PCDHA11: variants seen among roughly 807,000 people sequenced by gnomAD.
The protein encoded by PCDHA11 is protocadherin alpha 11.
PCDHA11 carries 61 observed loss-of-function variants against 70.3 expected under a neutral mutation model. The observed-to-expected ratio is 0.87, with a 90% CI of 0.71 to 1.07. The LOEUF (loss-of-function observed/expected upper bound fraction) is 1.07, where lower values mean the gene tolerates loss of function less well. PCDHA11 is among the 50% of genes least tolerant of loss of function. PCDHA11 has a pLI of 0.00. For missense variants in PCDHA11, 1,324 were observed against 1,237.5 expected (o/e 1.07, Z -1.05); for synonymous variants, 633 against 555.1 (o/e 1.14, Z -1.97).
At chr5:140,921,080 A>G (rs1329038497) in intron 1 of PCDHA11, among the ~76,000 whole-genome samples, 1 of 152,008 alleles carries the variant, frequency 6.6e-6, no homozygotes. Context: ...CTTGGGCTCA[A>G]GAGAATCCTC....
At chr5:140,911,365 TG>T (rs1554194694) in intron 1 of PCDHA11, among the ~76,000 whole-genome samples, 1 of 152,218 alleles carries the variant, frequency 6.6e-6, no homozygotes, top group East Asian at 1.9e-4. Flanking sequence ...AGTAGACACC[TG>T]GCAAGGCTGT....
rs113635864 is a variant in PCDHA11 at position 140,947,396 on chromosome 5, A to T, written c.2392-31553A>T. On this transcript the variant is annotated intron_variant, in intron 1 of 3. Coordinates refer to ENST00000398640, the MANE Select transcript of PCDHA11 (RefSeq NM_018902.5). ...ATATGTTTATCCTTTCACTAAAAGT[A>T]GACTGTCTTGATATTGTAGCTTTAT... Among the ~76,000 whole-genome samples the T allele has an allele frequency of 7.1e-3, 1,081 of 151,828 alleles. 11 individuals are homozygous for T. The highest frequency in any genetic ancestry group is 0.025 in the African/African-American group (1,045 of 41,538).
intron 3 of PCDHA11, among the ~76,000 whole-genome samples, chr5:140,991,200 A>C (rs2097437692): frequency 6.6e-6 from 1 of 152,234 alleles, no homozygotes; most frequent in Admixed American, 6.5e-5. Context: ...AATGATGCTC[A>C]ATAAATTTTG....
intron 1 of PCDHA11, among the ~76,000 whole-genome samples, chr5:140,950,613 A>G (rs980395914): frequency 3.3e-5 from 5 of 152,064 alleles, no homozygotes; most frequent in African/African-American, 1.2e-4. Context: ...TGATGTGCTT[A>G]TTTATGCTTT....
chr5:140,974,328 C>G (rs2096623040), intron 1 of PCDHA11, among the ~76,000 whole-genome samples: 1 of 152,198 alleles, frequency 6.6e-6, no homozygotes, highest in Admixed American at 6.5e-5. Flanking sequence ...AGCTGCTGTG[C>G]TAGCAGGCTA....
intron 1 of PCDHA11, among the ~76,000 whole-genome samples, chr5:140,888,838 A>G (rs2061999996): frequency 6.6e-6 from 1 of 152,078 alleles, no homozygotes; most frequent in East Asian, 1.9e-4. Flanking sequence ...ACTCCACTGC[A>G]GCCTGGTGAC....
intron 1 of PCDHA11, among the ~76,000 whole-genome samples, chr5:140,924,369 G>A (rs2081798645): frequency 6.6e-6 from 1 of 152,144 alleles, no homozygotes; most frequent in Admixed American, 6.5e-5. Context: ...AGGCAAACTA[G>A]CCAAGGGGTA....
chr5:140,993,460 TCTCACACACACA>T (rs2097560533), intron 3 of PCDHA11, among the ~76,000 whole-genome samples: 2 of 104,506 alleles, frequency 1.9e-5, no homozygotes, highest in South Asian at 3.7e-4. Context: ...CTTCTTTCTT[TCTCACACACACA>T]CACACACACA....
intron 1 of PCDHA11, chr5:140,927,763 G>C (rs1554205034): frequency 6.2e-7 from 1 of 1,614,198 alleles, no homozygotes; most frequent in African/African-American, 1.3e-5. Context: ...CCCTAAAAGT[G>C]GGGAGGTGCA....
Position 140,870,061 on chromosome 5 carries a change from C to G in PCDHA11, c.958C>G (p.Gln320Glu). 1 of 1,613,758 alleles carries G rather than the reference C, an allele frequency of 6.2e-7. No homozygotes were observed. The highest frequency in any genetic ancestry group is 8.5e-7 in the Non-Finnish European group (1 of 1,179,862). Residue 320 changes from glutamine to glutamate, a missense_variant, in exon 1 of 4, where the codon CAG (glutamine) becomes GAG (glutamate). Gln to Glu is a conservative substitution (Grantham distance 29, BLOSUM62 2). Coordinates refer to ENST00000398640, the MANE Select transcript of PCDHA11 (RefSeq NM_018902.5). ...AAACAAGTTTTATAAAATTGAAGTA[C>G]AGGCTACAGATAAGGGGACTCCCCC... ...EENKFYKIEV[Q>E]ATDKGTPPMA...
chr5:140,950,086 T>G (rs1178086288), intron 1 of PCDHA11, among the ~76,000 whole-genome samples: 1 of 151,946 alleles, frequency 6.6e-6, no homozygotes, highest in Non-Finnish European at 1.5e-5. Flanking sequence ...TATGCTATAG[T>G]TTTCATTTGT....
intron 1 of PCDHA11, among the ~76,000 whole-genome samples, chr5:140,974,883 C>T (rs1188748856): frequency 1.3e-5 from 2 of 152,154 alleles, no homozygotes; most frequent in Non-Finnish European, 2.9e-5. Context: ...CTATGTATCC[C>T]TTTTCTGATG....
intron 1 of PCDHA11, among the ~76,000 whole-genome samples, chr5:140,949,671 G>A (rs1316716969): frequency 6.6e-6 from 1 of 151,584 alleles, no homozygotes. Context: ...TTTAAAGTAT[G>A]CCCTTGTTGA....
chr5:140,890,879 A>C (rs1448155644), intron 1 of PCDHA11, among the ~76,000 whole-genome samples: 2 of 152,112 alleles, frequency 1.3e-5, no homozygotes, highest in Non-Finnish European at 2.9e-5. Flanking sequence ...CTGACCTTTC[A>C]TCAGGGATTA....
At chr5:140,962,220 T>A (rs1174731292) in intron 1 of PCDHA11, among the ~76,000 whole-genome samples, 2 of 152,186 alleles carry the variant, frequency 1.3e-5, no homozygotes, top group African/African-American at 4.8e-5. Flanking sequence ...GATCTTGAGG[T>A]TCAAGTTTCA....
intron 1 of PCDHA11, among the ~76,000 whole-genome samples, chr5:140,934,109 A>G (rs2089636629): frequency 6.6e-6 from 1 of 151,948 alleles, no homozygotes; most frequent in Non-Finnish European, 1.5e-5. Flanking sequence ...CTATTTTATT[A>G]ATTTTCATAC....
chr5:140,894,827 T>G (rs2064691411), intron 1 of PCDHA11, among the ~76,000 whole-genome samples: 1 of 152,192 alleles, frequency 6.6e-6, no homozygotes, highest in South Asian at 2.1e-4. Flanking sequence ...TTGCCCATAA[T>G]CCTTTTCTTA....
At chr5:140,920,023 C>T (rs1554199365) in intron 1 of PCDHA11, among the ~76,000 whole-genome samples, 1 of 152,096 alleles carries the variant, frequency 6.6e-6, no homozygotes, top group Non-Finnish European at 1.5e-5. Flanking sequence ...AAGATGGAGA[C>T]AGAGATTGGA....
intron 1 of PCDHA11, among the ~76,000 whole-genome samples, chr5:140,912,772 A>T (rs897864498): frequency 1.3e-5 from 2 of 152,190 alleles, no homozygotes; most frequent in South Asian, 4.1e-4. Flanking sequence ...ACTTTGAGGT[A>T]TGTCCCTTCT....
Sources: allele counts gnomAD v4.1 joint callset (sites outside exome capture counted in the v4.1 genomes callset), GRCh38; gene constraint gnomAD v4.1.1; transcripts MANE v1.5; gene names NCBI Gene and HGNC (gene_info 2026-07-23, HGNC 2026-07-21).